COL24A1: variants seen among roughly 807,000 people sequenced by gnomAD.
The protein encoded by COL24A1 is collagen alpha-1(XXIV) chain.
COL24A1 carries 224 observed loss-of-function variants against 253.9 expected under a neutral mutation model. That is an observed-to-expected ratio of 0.88 (90% CI 0.79 to 0.99). The LOEUF (loss-of-function observed/expected upper bound fraction) is 0.99. Among genes scored for constraint, COL24A1 ranks in the 50% least tolerant of loss-of-function variants. The pLI is 0.00. For missense variants in COL24A1, 2,131 were observed against 2,068.5 expected (o/e 1.03, Z -0.59); for synonymous variants, 685 against 673.7 (o/e 1.02, Z -0.26).
intron 43 of COL24A1, among the ~76,000 whole-genome samples, chr1:85,830,509 C>T (rs1675082906): frequency 6.6e-6 from 1 of 152,126 alleles, no homozygotes; most frequent in African/African-American, 2.4e-5. Context: ...TGGCGGGTGC[C>T]CCTCCCCCAG....
chr1:85,893,265 G>C (rs1424552347), intron 31 of COL24A1, among the ~76,000 whole-genome samples: 2 of 150,874 alleles, frequency 1.3e-5, no homozygotes, highest in Non-Finnish European at 3.0e-5. Flanking sequence ...GGAGTAAAAA[G>C]TATTACCAGA....
intron 12 of COL24A1, among the ~76,000 whole-genome samples, chr1:86,040,303 T>TC (rs1392229742): frequency 6.6e-6 from 1 of 151,960 alleles, no homozygotes; most frequent in African/African-American, 2.4e-5. Context: ...CTTTTTTTTT[T>TC]CTTTTCTTAA....
intron 52 of COL24A1, among the ~76,000 whole-genome samples, chr1:85,779,580 T>A (rs183580340): frequency 2.5e-3 from 375 of 152,252 alleles, no homozygotes; most frequent in African/African-American, 7.5e-3. Context: ...GGCTTTCCTA[T>A]AATGTGATAC....
chr1:86,135,179 T>A (rs1423120471), intron 2 of COL24A1, among the ~76,000 whole-genome samples: 1 of 152,038 alleles, frequency 6.6e-6, no homozygotes, highest in South Asian at 2.1e-4. Context: ...AACCTCTGCC[T>A]TTTTTTGTTT....
chr1:85,965,393 C>T (rs1691464054), intron 22 of COL24A1, among the ~76,000 whole-genome samples: 1 of 151,788 alleles, frequency 6.6e-6, no homozygotes, highest in Non-Finnish European at 1.5e-5. Flanking sequence ...TGTAAGGTAA[C>T]AAATCAAGCA....
intron 20 of COL24A1, among the ~76,000 whole-genome samples, chr1:85,972,925 C>T (rs557632588): frequency 4.6e-5 from 7 of 152,292 alleles, no homozygotes; most frequent in Admixed American, 2.6e-4. Flanking sequence ...TGACTGGGCT[C>T]TTCTGAAATT....
At chr1:85,776,787 A>G (rs1668589945) in intron 52 of COL24A1, among the ~76,000 whole-genome samples, 1 of 152,048 alleles carries the variant, frequency 6.6e-6, no homozygotes, top group Non-Finnish European at 1.5e-5. Context: ...GCAAAAATGG[A>G]AGTGTACATT....
At chr1:86,011,057 T>A (rs1000658040) in intron 19 of COL24A1, among the ~76,000 whole-genome samples, 1 of 152,148 alleles carries the variant, frequency 6.6e-6, no homozygotes, top group Non-Finnish European at 1.5e-5. Flanking sequence ...AGTACACTTA[T>A]CTAACTTTGT....
chr1:86,081,201 T>C (rs2101905115), intron 7 of COL24A1, among the ~76,000 whole-genome samples: 1 of 152,312 alleles, frequency 6.6e-6, no homozygotes, highest in African/African-American at 2.4e-5. Context: ...GCATATTTCC[T>C]ATGCCTTGGC....
intron 6 of COL24A1, among the ~76,000 whole-genome samples, chr1:86,091,573 C>T (rs1345228058): frequency 6.6e-6 from 1 of 152,062 alleles, no homozygotes; most frequent in Non-Finnish European, 1.5e-5. Context: ...AGATGTCCTC[C>T]TAAGACTCCA....
intron 53 of COL24A1, among the ~76,000 whole-genome samples, chr1:85,771,876 G>C (rs1668005827): frequency 6.7e-6 from 1 of 149,006 alleles, no homozygotes; most frequent in African/African-American, 2.5e-5. Context: ...GTATACATGT[G>C]CCATGCTGGT....
intron 53 of COL24A1, among the ~76,000 whole-genome samples, chr1:85,769,697 C>T (rs1038821419): frequency 1.3e-5 from 2 of 152,078 alleles, no homozygotes; most frequent in African/African-American, 4.8e-5. Flanking sequence ...CTAACCATCC[C>T]AGATATTTCA....
chr1:85,735,241 T>C (rs543532547), intron 58 of COL24A1, among the ~76,000 whole-genome samples: 1 of 152,310 alleles, frequency 6.6e-6, no homozygotes, highest in South Asian at 2.1e-4. Flanking sequence ...GTGAGGTCAC[T>C]GAACACGGCA....
Position 85,761,567 on chromosome 1 carries a change from C to G in COL24A1, c.4375-1G>C. The G allele has an allele frequency of 6.2e-7, 1 of 1,613,984 alleles. No individual in the cohort carries two copies. Among genetic ancestry groups the G allele is most frequent in the Non-Finnish European group, 8.5e-7 (1 of 1,179,896 alleles). ...GTTGACCTCTTGGTCCTTGAGGACC[C>G]TGGAAGAAATGGAGACAAACACAAG... On this transcript the variant is annotated splice_acceptor_variant, in intron 53 of 59. Transcript: ENST00000370571. LOFTEE classifies it high-confidence loss of function.
intron 43 of COL24A1, among the ~76,000 whole-genome samples, chr1:85,835,491 A>C (rs1259472581): frequency 6.6e-6 from 1 of 152,174 alleles, no homozygotes; most frequent in Admixed American, 6.5e-5. Flanking sequence ...AGTACAACTA[A>C]GTATTCGTTA....
intron 5 of COL24A1, among the ~76,000 whole-genome samples, chr1:86,102,378 A>G (rs1310412785): frequency 6.6e-6 from 1 of 152,098 alleles, no homozygotes; most frequent in African/African-American, 2.4e-5. Context: ...GCATGTCTCA[A>G]TCTCCTTCAG....
At chr1:86,091,905 T>C (rs911546392) in intron 6 of COL24A1, among the ~76,000 whole-genome samples, 1 of 152,108 alleles carries the variant, frequency 6.6e-6, no homozygotes, top group Non-Finnish European at 1.5e-5. Context: ...TCTAAAAATA[T>C]GTAAATTGGC....
chr1:86,140,384 T>C (rs1187664397), intron 2 of COL24A1, among the ~76,000 whole-genome samples: 2 of 152,224 alleles, frequency 1.3e-5, no homozygotes, highest in African/African-American at 2.4e-5. Context: ...AAATAGCACA[T>C]CTATTCTGTA....
intron 3 of COL24A1, among the ~76,000 whole-genome samples, chr1:86,124,427 G>A (rs963512032): frequency 5.3e-5 from 8 of 151,928 alleles, no homozygotes; most frequent in Admixed American, 2.0e-4. Flanking sequence ...TTTAATGGAT[G>A]TATTTAATGT....
Sources: allele counts gnomAD v4.1 joint callset (sites outside exome capture counted in the v4.1 genomes callset), GRCh38; gene constraint gnomAD v4.1.1; transcripts MANE v1.5; gene names NCBI Gene and HGNC (gene_info 2026-07-23, HGNC 2026-07-21).